The following CA10 variants were observed in gnomAD, a reference collection of about 807,000 sequenced individuals.
CA10 encodes the protein carbonic anhydrase 10 (inactive).
Under a neutral mutation model 44.2 loss-of-function variants are expected in CA10, and 14 were observed. The ratio of observed to expected loss-of-function variants is 0.32; its 90% confidence interval spans 0.21 to 0.50. The LOEUF (loss-of-function observed/expected upper bound fraction) is 0.50, where lower values mean the gene tolerates loss of function less well. Among genes scored for constraint, CA10 ranks in the 20% least tolerant of loss-of-function variants. The pLI, the probability that CA10 is intolerant of heterozygous loss-of-function variation, is 0.99. For missense variants in CA10, 350 were observed against 409.7 expected (o/e 0.85, Z 1.26); for synonymous variants, 159 against 141.6 (o/e 1.12, Z -0.87).
At chr17:51,933,770 T>C (rs1464638916) in intron 2 of CA10, among the ~76,000 whole-genome samples, 4 of 152,084 alleles carry the variant, frequency 2.6e-5, no homozygotes, top group Non-Finnish European at 4.4e-5. Context: ...CACATTGCAT[T>C]TCATCTACTC....
intron 2 of CA10, among the ~76,000 whole-genome samples, chr17:52,070,008 G>T (rs1361061881): frequency 6.6e-6 from 1 of 152,142 alleles, no homozygotes. Flanking sequence ...TTTGCCACAA[G>T]TACCCACTCA....
At chr17:51,672,297 C>G (rs1363551727) in intron 4 of CA10, among the ~76,000 whole-genome samples, 1 of 152,210 alleles carries the variant, frequency 6.6e-6, no homozygotes, top group South Asian at 2.1e-4. Context: ...CATGCTAGCG[C>G]TATAAAGTTC....
chr17:51,735,590 G>A (rs1462315219), intron 4 of CA10, among the ~76,000 whole-genome samples: 1 of 152,076 alleles, frequency 6.6e-6, no homozygotes, highest in Non-Finnish European at 1.5e-5. Context: ...GATGCAGCTT[G>A]AAGAAGCATG....
intron 4 of CA10, among the ~76,000 whole-genome samples, chr17:51,674,079 C>T (rs1448907999): frequency 2.0e-5 from 3 of 152,228 alleles, no homozygotes; most frequent in African/African-American, 7.2e-5. Flanking sequence ...ATCATGCCCA[C>T]AACATACCTC....
intron 4 of CA10, among the ~76,000 whole-genome samples, chr17:51,737,773 C>A (rs932408790): frequency 6.6e-6 from 1 of 152,160 alleles, no homozygotes; most frequent in Non-Finnish European, 1.5e-5. Flanking sequence ...CTACAGCCCC[C>A]CTTCCAGGCC....
chr17:51,993,303 T>G (rs1363570526), intron 2 of CA10, among the ~76,000 whole-genome samples: 1 of 152,098 alleles, frequency 6.6e-6, no homozygotes, highest in Non-Finnish European at 1.5e-5. Context: ...AATATTTCAC[T>G]CCCCACTACA....
intron 3 of CA10, among the ~76,000 whole-genome samples, chr17:51,808,611 A>G (rs1360351615): frequency 6.6e-6 from 1 of 152,220 alleles, no homozygotes; most frequent in African/African-American, 2.4e-5. Context: ...CAATGACAGG[A>G]AAGGCTCAAG....
At chr17:51,922,385 T>G (rs904219384) in intron 3 of CA10, among the ~76,000 whole-genome samples, 1 of 152,182 alleles carries the variant, frequency 6.6e-6, no homozygotes, top group Admixed American at 6.5e-5. Flanking sequence ...GGCCATGTAT[T>G]CTCTCCCAAA....
intron 3 of CA10, among the ~76,000 whole-genome samples, chr17:51,861,440 G>A (rs1277997406): frequency 2.6e-5 from 4 of 151,870 alleles, no homozygotes; most frequent in Admixed American, 2.0e-4. Context: ...GATTAGAAAG[G>A]CATTAGGAAA....
At chr17:51,675,293 C>T (rs564989152) in intron 4 of CA10, among the ~76,000 whole-genome samples, 2 of 152,290 alleles carry the variant, frequency 1.3e-5, no homozygotes, top group Admixed American at 6.5e-5. Context: ...GGCATGGTGG[C>T]TCATGCCTAT....
intron 2 of CA10, among the ~76,000 whole-genome samples, chr17:52,060,874 T>G (rs2143090850): frequency 6.6e-6 from 1 of 152,288 alleles, no homozygotes; most frequent in South Asian, 2.1e-4. Flanking sequence ...CATTGGAAAT[T>G]TAGATAGTAA....
In CA10 at chr17:52,038,022, G is replaced by C. The variant is rs144353465; in HGVS notation, c.136+34297C>G. On this transcript the variant is annotated intron_variant, in intron 2 of 8. Transcript: ENST00000451037. The stretch of plus-strand genomic sequence containing the variant: ...GAAAAACTACTCCCTCTCTGTTGGT[G>C]TGTATTCTATCCAATTGTTTCGTTG... Among the ~76,000 whole-genome samples, 186 of 152,022 alleles carry C rather than the reference G, an allele frequency of 1.2e-3. 5 individuals carry two copies. The South Asian group carries it at 0.023, about 18-fold the overall frequency.
intron 2 of CA10, among the ~76,000 whole-genome samples, chr17:51,990,430 T>TA (rs34085669): frequency 0.34 from 50,984 of 151,532 alleles, 10,318 homozygotes; most frequent in East Asian, 0.73. Flanking sequence ...TTTTCCTAAT[T>TA]AAAAAAAAAT....
intron 3 of CA10, among the ~76,000 whole-genome samples, chr17:51,764,586 G>T (rs1905301908): frequency 6.6e-6 from 1 of 152,166 alleles, no homozygotes; most frequent in South Asian, 2.1e-4. Flanking sequence ...CCATCCCATT[G>T]CCCACAACTG....
At chr17:52,043,685 A>T (rs1986832033) in intron 2 of CA10, among the ~76,000 whole-genome samples, 1 of 152,118 alleles carries the variant, frequency 6.6e-6, no homozygotes, top group Non-Finnish European at 1.5e-5. Context: ...TAATGTTAGC[A>T]GTGGGCTTGT....
chr17:52,140,186 A>G (rs909440587), intron 1 of CA10, among the ~76,000 whole-genome samples: 2 of 152,124 alleles, frequency 1.3e-5, no homozygotes, highest in Non-Finnish European at 2.9e-5. Flanking sequence ...TGTCTTTTTT[A>G]CCCCAAACTC....
chr17:51,650,625 G>A lies in CA10; in HGVS notation c.562-1371C>T, dbSNP rs112611187. Among the ~76,000 whole-genome samples the A allele has an allele frequency of 1.5e-3, 223 of 152,240 alleles. 1 individual carries two copies. The highest frequency in any genetic ancestry group is 5.2e-3 in the African/African-American group (215 of 41,546). On this transcript the variant is annotated intron_variant, in intron 5 of 8. Transcript: ENST00000451037. The stretch of plus-strand genomic sequence containing the variant: ...CAGTGCTATATTCAACATCTACTTT[G>A]ACATCCTCTTCAGCCATTTAAAAGA...
intron 1 of CA10, among the ~76,000 whole-genome samples, chr17:52,121,321 T>C (rs923086518): frequency 6.6e-6 from 1 of 152,128 alleles, no homozygotes; most frequent in African/African-American, 2.4e-5. Flanking sequence ...CATTCAGAAC[T>C]CCTTGATTCT....
intron 1 of CA10, among the ~76,000 whole-genome samples, chr17:52,117,405 A>G (rs1359487158): frequency 6.6e-6 from 1 of 152,200 alleles, no homozygotes. Context: ...GCATGCTCTT[A>G]AAGGGCTCCA....
Sources: allele counts gnomAD v4.1 joint callset (sites outside exome capture counted in the v4.1 genomes callset), GRCh38; gene constraint gnomAD v4.1.1; transcripts MANE v1.5; gene names NCBI Gene and HGNC (gene_info 2026-07-23, HGNC 2026-07-21).